Variants in ANKRD66 observed in about 807,000 individuals in gnomAD.
The protein encoded by ANKRD66 is ankyrin repeat domain 66, also known as ankyrin repeat domain-containing protein 66.
A neutral mutation model predicts 10.9 loss-of-function variants in ANKRD66; 10 were observed. The observed-to-expected ratio is 0.91, with a 90% CI of 0.56 to 1.55. The LOEUF is 1.55. ANKRD66 is among the 40% of genes most tolerant of loss of function. ANKRD66 has a pLI of 0.00. For missense variants in ANKRD66, 252 were observed against 242.9 expected (o/e 1.04, Z -0.25); for synonymous variants, 85 against 88.4 (o/e 0.96, Z 0.22).
rs1486192954 is a variant in ANKRD66 at position 46,758,949 on chromosome 6, G to T, written c.*28G>T. On this transcript the variant is annotated 3_prime_UTR_variant, in exon 5 of 5. Coordinates refer to ENST00000565422, the MANE Select transcript of ANKRD66 (RefSeq NM_001162435.3). ...ACTCAACCTTATGTTTTCTGGCAAG[G>T]AACTTTCCCTGGTGCCAGAAATGAG... is the stretch of plus-strand genomic sequence containing the variant. 2 of 1,515,104 alleles carry T rather than the reference G, an allele frequency of 1.3e-6. No homozygotes were observed. The highest frequency in any genetic ancestry group is 1.8e-6 in the Non-Finnish European group (2 of 1,128,062). 93.9% of individuals were successfully genotyped at this position (1,515,104 alleles called of 1,614,324 possible).
intron 1 of ANKRD66, 72 bp from the exon 2 acceptor site, chr6:46,749,824 C>T: frequency 6.7e-7 from 1 of 1,482,100 alleles, no homozygotes; most frequent in Non-Finnish European, 9.0e-7. Context: ...GTGAATGGTT[C>T]TTTCTCTCTG....
rs529958356 is a variant in ANKRD66, at chr6:46,751,974, T to A, written c.26T>A (p.Met9Lys). 251 of 1,481,526 alleles carry A rather than the reference T, an allele frequency of 1.7e-4. No individual in the cohort carries two copies. Among genetic ancestry groups the A allele is most frequent in the Non-Finnish European group, 2.2e-4 (245 of 1,118,760 alleles). The allele number at this position is 1,481,526 out of a possible 1,614,324, so 91.8% of individuals were successfully genotyped here. The change falls in exon 3 of 5, where the codon ATG becomes AAG. Residue 9 changes from methionine (M) to lysine (K), a missense_variant. Physicochemically the swap from Met to Lys is moderately conservative, Grantham distance 95. Transcript: ENST00000565422. ...ATGGAATTGGCCAAAATGTCAGACA[T>A]GACAAAGCTTCACCAAGCTGTGGCT... is the stretch of plus-strand genomic sequence containing the variant. Reference protein sequence around the residue: MELAKMSDMTKLHQAVAAG... With the variant: MELAKMSDKTKLHQAVAAG...
chr6:46,748,434 G>A (rs999205422), intron 1 of ANKRD66, among the ~76,000 whole-genome samples: 11 of 152,144 alleles, frequency 7.2e-5, no homozygotes, highest in Admixed American at 2.0e-4. Context: ...AAAGGCAAGC[G>A]AAAAACTTCT....
Position 46,754,268 on chromosome 6 carries a change from C to T in ANKRD66, c.392+318C>T, listed in dbSNP as rs187124095. Among the ~76,000 whole-genome samples, 240 of 152,246 alleles carry T rather than the reference C, an allele frequency of 1.6e-3. 1 individual carries two copies. The highest frequency in any genetic ancestry group is 5.1e-3 in the African/African-American group (210 of 41,528). ...GACCTTCAGCTTTCTAAAAGGCATC[C>T]AAACTGGCTGTGTGACCTTGTGCAA... On this transcript the variant is annotated intron_variant, in intron 4 of 4. Transcript: ENST00000565422.
In ANKRD66 at chr6:46,753,937, G is replaced by A. The variant is rs1766321516; in HGVS notation, c.379G>A (p.Ala127Thr). ...AQIYGQKACVAFLEKAEPECQ... is the reference protein window; with the variant it reads ...AQIYGQKACVTFLEKAEPECQ... ...GATCTATGGACAGAAAGCCTGTGTG[G>A]CATTTCTGGAAAAGTAAGTTTATTT... The change falls in exon 4 of 5, where the codon GCA becomes ACA. Residue 127 changes from alanine (A) to threonine (T), a missense_variant. Physicochemically the swap from Ala to Thr is moderately conservative, Grantham distance 58. Coordinates refer to ENST00000565422, the MANE Select transcript of ANKRD66 (RefSeq NM_001162435.3). The A allele has an allele frequency of 6.4e-7, 1 of 1,550,946 alleles. No homozygotes were observed. The highest frequency in any genetic ancestry group is 2.0e-5 in the Admixed American group (1 of 50,876).
At chr6:46,756,043 C>A in intron 4 of ANKRD66, 1 of 440,190 alleles carries the variant, frequency 2.3e-6, no homozygotes, top group African/African-American at 2.0e-5. Flanking sequence ...AAACTCCACA[C>A]CCATTAAACA....
chr6:46,753,928 G>GA lies in ANKRD66; in HGVS notation c.370_371insA (p.Ala124AspfsTer29), dbSNP rs1562091228. On this transcript the variant is annotated frameshift_variant, in exon 4 of 5. Transcript: ENST00000565422. LOFTEE classifies it low-confidence loss of function (END_TRUNC). ...GATTGCACAGATCTATGGACAGAAAGCCTGTGTGGCATTTCTGGAAAAGTA... is the reference window on the plus strand; with the variant it reads ...GATTGCACAGATCTATGGACAGAAAGACCTGTGTGGCATTTCTGGAAAAGTA... 1.9e-6 allele frequency: 3 copies of GA among 1,551,324 alleles called. No individual in the cohort carries two copies. The highest frequency in any genetic ancestry group is 3.9e-5 in the Admixed American group (2 of 50,940).
intron 2 of ANKRD66, among the ~76,000 whole-genome samples, chr6:46,750,797 C>T (rs1422654712): frequency 6.6e-6 from 1 of 151,176 alleles, no homozygotes; most frequent in Non-Finnish European, 1.5e-5. Context: ...GATACTACAA[C>T]AATATTGTGT....
intron 1 of ANKRD66, among the ~76,000 whole-genome samples, chr6:46,748,443 C>A (rs1031989132): frequency 6.6e-6 from 1 of 152,146 alleles, no homozygotes; most frequent in African/African-American, 2.4e-5. Context: ...CGAAAAACTT[C>A]TAGATACTGA....
At chr6:46,752,982 A>G (rs867958470) in intron 3 of ANKRD66, among the ~76,000 whole-genome samples, 2 of 152,324 alleles carry the variant, frequency 1.3e-5, no homozygotes, top group Admixed American at 6.5e-5. Context: ...TGTGTGGAGA[A>G]TGGGTTGACA....
chr6:46,748,151 T>C (rs1766187000), intron 1 of ANKRD66, among the ~76,000 whole-genome samples: 1 of 152,228 alleles, frequency 6.6e-6, no homozygotes, highest in Admixed American at 6.5e-5. Flanking sequence ...GACTATTATG[T>C]TGTCACTGAA....
At chr6:46,749,807 G>C (rs1040157710) in intron 1 of ANKRD66, 89 bp from the exon 2 acceptor site, 1 of 1,427,958 alleles carries the variant, frequency 7.0e-7, no homozygotes, top group Non-Finnish European at 9.3e-7. Context: ...TTTACTTTCC[G>C]GTCTTTGTGA....
At chr6:46,748,566 T>A (rs1766193376) in intron 1 of ANKRD66, among the ~76,000 whole-genome samples, 1 of 152,228 alleles carries the variant, frequency 6.6e-6, no homozygotes, top group Non-Finnish European at 1.5e-5. Flanking sequence ...TCTATTAAAA[T>A]GAATTTTGAA....
Position 46,749,898 on chromosome 6 carries a change from C to T in ANKRD66, c.-94C>T. ...TACTTTTCTTTCTCTCCCTCCAGGG[C>T]TGTTCTCACATTTCAATGCACTCAC... On this transcript the variant is annotated splice_region_variant and 5_prime_UTR_variant, in exon 2 of 5. Coordinates refer to ENST00000565422, the MANE Select transcript of ANKRD66 (RefSeq NM_001162435.3). 1 of 1,550,502 alleles carries T rather than the reference C, an allele frequency of 6.4e-7. No individual in the cohort carries two copies. Among genetic ancestry groups the T allele is most frequent in the Admixed American group, 2.0e-5 (1 of 50,938 alleles).
intron 1 of ANKRD66, among the ~76,000 whole-genome samples, chr6:46,749,398 C>CTCGT (rs1031099158): frequency 1.3e-5 from 2 of 152,146 alleles, no homozygotes; most frequent in African/African-American, 2.4e-5. Context: ...CAGGCTTGTC[C>CTCGT]TCGTTCGCCT....
Position 46,752,640 on chromosome 6 carries a change from A to G in ANKRD66, c.163+529A>G, listed in dbSNP as rs1766296243. ...GTTTATTCACCTAAATAACGTGTGC[A>G]GGAATGCCACCTTGGAGCCCTGTGA... On this transcript the variant is annotated intron_variant, in intron 3 of 4. Transcript: ENST00000565422. Among the ~76,000 whole-genome samples, 5 of 152,350 alleles carry G rather than the reference A, an allele frequency of 3.3e-5. No homozygotes were observed. In the South Asian group the frequency reaches 1.0e-3, roughly 32 times the overall value.
intron 1 of ANKRD66, among the ~76,000 whole-genome samples, chr6:46,748,863 G>T (rs1221709172): frequency 6.6e-6 from 1 of 152,162 alleles, no homozygotes. Context: ...TCAGAGTGTG[G>T]TAAGTGAGCT....
chr6:46,750,269 T>C (rs985969321), intron 2 of ANKRD66, among the ~76,000 whole-genome samples: 1 of 152,136 alleles, frequency 6.6e-6, no homozygotes, highest in African/African-American at 2.4e-5. Flanking sequence ...GTTTATGTGG[T>C]TATGGTTGTC....
rs937248283 is a variant in ANKRD66 at position 46,751,906 on chromosome 6, G to T, written c.-12-31G>T. 1.3e-5 allele frequency: 18 copies of T among 1,408,694 alleles called. No homozygotes were observed. In the African/African-American group the frequency reaches 2.0e-4, roughly 15 times the overall value. 87.3% of individuals were successfully genotyped at this position (1,408,694 alleles called of 1,614,324 possible). On this transcript the variant is annotated intron_variant, in intron 2 of 4. Transcript: ENST00000565422. ...CTCGCTAGGAATAAAGAGTTACATA[G>T]AATTTCCTAAGTGGCATGTCTCTCC... is the stretch of plus-strand genomic sequence containing the variant.
Sources: gnomAD v4.1 joint callset for allele counts (sites outside exome capture counted in the v4.1 genomes callset) on GRCh38, gnomAD v4.1.1 for gene constraint, MANE v1.5 for transcripts, NCBI Gene and HGNC (gene_info 2026-07-23, HGNC 2026-07-21) for gene names.